NEB: variants seen among roughly 807,000 people sequenced by gnomAD.
NEB encodes nebulin, also known as nemaline myopathy type 2.
Under a neutral mutation model 952.2 loss-of-function variants are expected in NEB, and 512 were observed. That is an observed-to-expected ratio of 0.54 (90% confidence interval 0.50 to 0.58). The LOEUF is 0.58. Ranked by LOEUF, NEB falls within the 20% of genes least tolerant of loss-of-function variation. The pLI is 0.00. For missense variants in NEB, 8,428 were observed against 9,231.1 expected, an observed-to-expected ratio of 0.91 and a Z score of 3.56; for synonymous variants, 2,900 against 3,149.8, an observed-to-expected ratio of 0.92 and a Z score of 2.66.
chr2:151,498,310 T>C lies in NEB; in HGVS notation c.24157A>G (p.Ile8053Val), dbSNP rs1458417602. 4.5e-6 allele frequency: 7 copies of C among 1,551,474 alleles called. No homozygotes were observed. In the South Asian group the frequency reaches 5.9e-5, roughly 13 times the overall value. The change falls in exon 170 of 182, where the codon ATC (isoleucine) becomes GTC (valine). Residue 8053 changes from isoleucine to valine, a missense_variant. Physicochemically the swap from Ile to Val is conservative, Grantham distance 29. This residue lies in a region of NEB where 3,374 missense variants were observed against 3,651.5 expected (regional missense o/e 0.92). Coordinates refer to ENST00000397345, the MANE Select transcript of NEB (RefSeq NM_001164508.2). The part of the protein sequence containing the change: ...ENLGTGIPIP[I>V]TPEMQRVKHN... ...TTGACTCTCTGCATCTCAGGAGTGA[T>C]GGGGATTGGAATTCCTGTCCCCAGG...
chr2:151,678,790 C>T lies in NEB; in HGVS notation c.3256-603G>A, dbSNP rs118148087. Among the ~76,000 whole-genome samples the T allele has an allele frequency of 4.5e-3, 689 of 151,534 alleles. 18 individuals carry two copies. In the East Asian group the frequency reaches 0.077, roughly 17 times the overall value. On this transcript the variant is annotated intron_variant, in intron 32 of 181. Coordinates refer to ENST00000397345, the MANE Select transcript of NEB (RefSeq NM_001164508.2). ...AGAAGCAGAGACATGAGGGAAGGTTCGTGGAAAGTTGGGGCAGGGGCAGCT... is the reference window on the plus strand; with the variant it reads ...AGAAGCAGAGACATGAGGGAAGGTTTGTGGAAAGTTGGGGCAGGGGCAGCT...
At chr2:151,613,422 A>T (rs1336658089) in intron 77 of NEB, among the ~76,000 whole-genome samples, 4 of 152,262 alleles carry the variant, frequency 2.6e-5, no homozygotes, top group Non-Finnish European at 5.9e-5. Context: ...TTAACCTGGC[A>T]TCAGTGAACT....
rs201636991 is a variant in NEB at position 151,664,588 on chromosome 2, C to T, written c.5364G>A (p.Trp1788Ter). ...CATATCCTTTCTTCTTTTCCTCTTC[C>T]CAGCCAGCTTTGTACAGTTTCTAAA... ...TMSDKLYKAG[W>*]EEEKKKGYDL... Residue 1788 changes from tryptophan to a stop codon, truncating the protein, a stop_gained, in exon 44 of 182, where the codon TGG becomes TGA. Coordinates refer to ENST00000397345, the MANE Select transcript of NEB (RefSeq NM_001164508.2). LOFTEE classifies it high-confidence loss of function. 1 of 1,606,544 alleles carries T rather than the reference C, an allele frequency of 6.2e-7. No individual in the cohort carries two copies. The highest frequency in any genetic ancestry group is 1.7e-5 in the Admixed American group (1 of 59,170).
At chr2:151,690,523 T>G in intron 24 of NEB, 1 of 483,856 alleles carries the variant, frequency 2.1e-6, no homozygotes, top group Non-Finnish European at 3.7e-6. Flanking sequence ...TTAAAAAATA[T>G]TTATTTTTAT....
Position 151,684,933 on chromosome 2 carries a change from T to C in NEB, c.2680A>G (p.Thr894Ala). 6.2e-7 allele frequency: 1 copy of C among 1,612,734 alleles called. No homozygotes were observed. The highest frequency in any genetic ancestry group is 8.5e-7 in the Non-Finnish European group (1 of 1,179,396). ...ACTTGGAGCATATCAAGAGGTGCCG[T>C]GTAGATAGTTTTTGACTTTTCATAA... ...KDYEKSKTIYTAPLDMLQVTQ... is the reference protein window; with the variant it reads ...KDYEKSKTIYAAPLDMLQVTQ... The change falls in exon 28 of 182, where the codon ACG becomes GCG. Residue 894 changes from threonine to alanine, a missense_variant. This residue lies in a region of NEB where 2,851 missense variants were observed against 2,791.5 expected (regional missense o/e 1.02). Coordinates refer to ENST00000397345, the MANE Select transcript of NEB (RefSeq NM_001164508.2).
Position 151,569,315 on chromosome 2 carries a change from A to G in NEB, c.17488T>C (p.Ser5830Pro). Residue 5830 changes from serine (S) to proline (P), a missense_variant, in exon 110 of 182, where the codon TCC becomes CCC. This residue lies in a region of NEB where 3,374 missense variants were observed against 3,651.5 expected (regional missense o/e 0.92). Coordinates refer to ENST00000397345, the MANE Select transcript of NEB (RefSeq NM_001164508.2). ...TGTTTGGCATGATTGACGGACACGG[A>G]GTCATTTGGCATCCACCCAATTCCA... ...LRGIGWMPND[S>P]VSVNHAKHAA... is the part of the protein sequence containing the mutation. 1 of 1,613,960 alleles carries G rather than the reference A, an allele frequency of 6.2e-7. No homozygotes were observed. The highest frequency in any genetic ancestry group is 8.5e-7 in the Non-Finnish European group (1 of 1,179,834).
chr2:151,654,234 A>T, intron 51 of NEB, 135 bp from the exon 52 acceptor site: 1 of 499,924 alleles, frequency 2.0e-6, no homozygotes, highest in Non-Finnish European at 3.5e-6. Flanking sequence ...TATGGATAAA[A>T]ATAAAACAAG....
chr2:151,685,152 G>T (rs73007946), intron 27 of NEB, among the ~76,000 whole-genome samples, 177 bp from the exon 28 acceptor site: 3 of 152,066 alleles, frequency 2.0e-5, no homozygotes, highest in Non-Finnish European at 2.9e-5. Context: ...CAAAAAGCAC[G>T]CATGGGCAGA....
intron 3 of NEB, among the ~76,000 whole-genome samples, chr2:151,732,742 A>G (rs1465128660): frequency 1.3e-5 from 2 of 152,092 alleles, no homozygotes; most frequent in African/African-American, 2.4e-5. Flanking sequence ...CTTTTCTTCT[A>G]TTGCTATACA....
Position 151,491,764 on chromosome 2 carries a change from A to G in NEB, c.25069T>C (p.Trp8357Arg). Residue 8357 changes from tryptophan to arginine, a missense_variant, in exon 179 of 182, where the codon TGG becomes CGG. Trp to Arg is a moderately radical substitution (Grantham distance 101). Transcript: ENST00000397345. ...DQETITGLRVWRTNPGSVFDY... is the reference protein window; with the variant it reads ...DQETITGLRVRRTNPGSVFDY... ...AAAACCGAACCAGGATTAGTACGCC[A>G]GACACGTAAACCTGAAAGGGAAACC... 1 of 1,587,450 alleles carries G rather than the reference A, an allele frequency of 6.3e-7. No individual in the cohort carries two copies. The highest frequency in any genetic ancestry group is 8.6e-7 in the Non-Finnish European group (1 of 1,165,770).
intron 102 of NEB, 119 bp from the exon 103 acceptor site, chr2:151,581,706 T>A (rs1180456972): frequency 9.1e-7 from 1 of 1,104,720 alleles, no homozygotes; most frequent in Admixed American, 2.7e-5. Context: ...AAATTTTAAG[T>A]GAATTTTATA....
chr2:151,505,330 G>A (rs1034579544), intron 165 of NEB, 148 bp downstream of exon 165: 10 of 692,058 alleles, frequency 1.4e-5, no homozygotes, highest in Admixed American at 7.7e-5. Flanking sequence ...TTTGCAACCT[G>A]TAGTGACCCC....
At position 151,640,058 on chromosome 2, in the gene NEB, A is replaced by G. The variant is rs1193832355; in HGVS notation, c.8688T>C (p.Asn2896=). The G allele has an allele frequency of 2.5e-5, 40 of 1,611,910 alleles. No individual in the cohort carries two copies. The highest frequency in any genetic ancestry group is 3.1e-5 in the Non-Finnish European group (37 of 1,178,160). The part of the protein sequence containing the change: ...ARQAYDLQSD[N]MYKSDLQWMR... ...TCCACTGGAGATCAGACTTGTACAT[A>G]TTCTGTTGACACAAATAGCCAATAA... Residue 2896 remains asparagine, a splice_region_variant and synonymous_variant, in exon 62 of 182, where the codon AAT becomes AAC. Transcript: ENST00000397345.
chr2:151,521,265 A>T (rs2081795018), intron 153 of NEB, among the ~76,000 whole-genome samples: 1 of 152,218 alleles, frequency 6.6e-6, no homozygotes, highest in South Asian at 2.1e-4. Context: ...ACTTTGAATA[A>T]ATCCTCAGTG....
chr2:151,655,089 A>T (rs1049578189), intron 51 of NEB, among the ~76,000 whole-genome samples, 181 bp downstream of exon 51: 5 of 152,200 alleles, frequency 3.3e-5, no homozygotes, highest in African/African-American at 9.6e-5. Context: ...TCCACAAAGC[A>T]TACAGTTGTG....
chr2:151,502,878 T>C lies in NEB; in HGVS notation c.23843A>G (p.Tyr7948Cys), dbSNP rs768623901. 5 of 1,591,612 alleles carry C rather than the reference T, an allele frequency of 3.1e-6. No individual in the cohort carries two copies. The highest frequency in any genetic ancestry group is 1.3e-5 in the African/African-American group (1 of 74,222). The change falls in exon 167 of 182, where the codon TAC becomes TGC. Residue 7948 changes from tyrosine (Y) to cysteine (C), a missense_variant. Physicochemically the swap from Tyr to Cys is radical, Grantham distance 194. Around this residue, in one of 11 missense-constraint regions of NEB, gnomAD observed 3,374 missense variants for 3,651.5 expected, o/e 0.92. Transcript: ENST00000397345. ...RNQENFSSVL[Y>C]KENLGKGIPT... is the part of the protein sequence containing the mutation. ...GATTCCTTTCCCCAAATTTTCTTTG[T>C]ACAAAACCTGTGAGATACAAGAAAG...
At chr2:151,651,028 T>A in intron 52 of NEB, 143 bp from the exon 53 acceptor site, 1 of 749,500 alleles carries the variant, frequency 1.3e-6, no homozygotes, top group East Asian at 2.7e-5. Flanking sequence ...GGCCTACTTT[T>A]CTAGCTTCAG....
chr2:151,492,597 G>C, intron 176 of NEB, 103 bp from the exon 177 acceptor site: 1 of 794,102 alleles, frequency 1.3e-6, no homozygotes, highest in East Asian at 2.7e-5. Context: ...GGGACGCTTG[G>C]GTCAACTGAA....
At chr2:151,654,273 C>T (rs1032869044) in intron 51 of NEB, among the ~76,000 whole-genome samples, 174 bp from the exon 52 acceptor site, 1 of 152,136 alleles carries the variant, frequency 6.6e-6, no homozygotes, top group Non-Finnish European at 1.5e-5. Context: ...AAAGCACTGA[C>T]TCAGCATCAT....
Sources: gnomAD v4.1 joint callset for allele counts (sites outside exome capture counted in the v4.1 genomes callset) on GRCh38, gnomAD v4.1.1 for gene constraint, gnomAD v4.1.1 regional missense constraint, MANE v1.5 for transcripts, NCBI Gene and HGNC (gene_info 2026-07-23, HGNC 2026-07-21) for gene names.